NCR1: variants seen among roughly 807,000 people sequenced by gnomAD.
NCR1 encodes the protein NK cell-activating receptor.
A neutral mutation model predicts 32.5 loss-of-function variants in NCR1; 30 were observed. That is an observed-to-expected ratio of 0.92 (90% confidence interval 0.69 to 1.25). The LOEUF is 1.25. Ranked by LOEUF, NCR1 falls within the 50% of genes most tolerant of loss-of-function variation. NCR1 has a pLI of 0.00. For missense variants in NCR1, 369 were observed against 380.7 expected, an observed-to-expected ratio of 0.97 and a Z score of 0.26; for synonymous variants, 169 against 143.4, an observed-to-expected ratio of 1.18 and a Z score of -1.28.
chr19:54,912,663 G>GCGAT (rs902123849), intron 6 of NCR1, 27 bp from the exon 7 acceptor site: 1 of 1,097,018 alleles, frequency 9.1e-7, no homozygotes, highest in Non-Finnish European at 1.3e-6. Flanking sequence ...ATCCCTGTCA[G>GCGAT]CGATCACCCT....
chr19:54,903,769 T>G (rs997867176), upstream of NCR1, among the ~76,000 whole-genome samples: 1 of 151,558 alleles, frequency 6.6e-6, no homozygotes, highest in Non-Finnish European at 1.5e-5. Context: ...TTACTGTAGA[T>G]CTTAACAACT....
chr19:54,922,170 G>A, the NCR1 span, among the ~76,000 whole-genome samples: 5 of 152,096 alleles, frequency 3.3e-5, no homozygotes, highest in African/African-American at 1.2e-4. Context: ...TGGGATTACA[G>A]GTGTGAGCCA....
upstream of NCR1, among the ~76,000 whole-genome samples, chr19:54,901,458 T>C (rs2067300877): frequency 6.6e-6 from 1 of 150,732 alleles, no homozygotes; most frequent in African/African-American, 2.4e-5. Context: ...ATCTCAAACA[T>C]GGCTTAGAGT....
chr19:54,923,378 G>A, the NCR1 span: 8 of 361,666 alleles, frequency 2.2e-5, no homozygotes, highest in African/African-American at 1.1e-4. Flanking sequence ...TGGCGCCTGA[G>A]TTAGGGAAGA....
the NCR1 span, among the ~76,000 whole-genome samples, chr19:54,930,073 C>G: frequency 6.8e-6 from 1 of 148,112 alleles, no homozygotes; most frequent in African/African-American, 2.5e-5. Flanking sequence ...CGAGATCGCG[C>G]CACTGCACTC....
intron 3 of NCR1, among the ~76,000 whole-genome samples, chr19:54,908,696 T>C (rs2067776508): frequency 7.0e-6 from 1 of 142,036 alleles, no homozygotes; most frequent in Non-Finnish European, 1.5e-5. Context: ...AGTGCAGTGG[T>C]ACAATCTCAG....
chr19:54,921,850 G>A, the NCR1 span, among the ~76,000 whole-genome samples: 4 of 149,316 alleles, frequency 2.7e-5, no homozygotes, highest in Admixed American at 1.3e-4. Flanking sequence ...CCATATGCCC[G>A]TGTTTTTGTG....
At chr19:54,930,905 G>A in the NCR1 span, among the ~76,000 whole-genome samples, 1 of 151,972 alleles carries the variant, frequency 6.6e-6, no homozygotes, top group African/African-American at 2.4e-5. Flanking sequence ...CGCCTGTAGT[G>A]CCAGCTACTC....
chr19:54,925,918 T>G, the NCR1 span, among the ~76,000 whole-genome samples: 2 of 151,378 alleles, frequency 1.3e-5, no homozygotes, highest in African/African-American at 2.4e-5. Context: ...GAGAATGGCG[T>G]GAACCCGGGA....
At chr19:54,909,882 C>T in intron 4 of NCR1, 136 bp from the exon 5 acceptor site, 1 of 744,150 alleles carries the variant, frequency 1.3e-6, no homozygotes, top group South Asian at 1.8e-5. Context: ...TTGTAGTGAA[C>T]CGAGATCATA....
Position 54,909,474 on chromosome 19 carries a change from C to A in NCR1, c.585C>A (p.Asn195Lys), listed in dbSNP as rs1221864271. The A allele has an allele frequency of 6.2e-7, 1 of 1,610,854 alleles. No homozygotes were observed. The highest frequency in any genetic ancestry group is 2.2e-5 in the East Asian group (1 of 44,870). ...RGTYRCFGSY[N>K]NHAWSFPSEP... ...CATACCGATGTTTTGGCTCCTATAA[C>A]AACCATGCCTGGTCTTTCCCCAGTG... Residue 195 changes from asparagine (N) to lysine (K), a missense_variant, in exon 4 of 7, where the codon AAC becomes AAA. Transcript: ENST00000291890.
the NCR1 span, among the ~76,000 whole-genome samples, chr19:54,928,078 T>G: frequency 6.6e-6 from 1 of 152,036 alleles, no homozygotes; most frequent in African/African-American, 2.4e-5. Flanking sequence ...AAATTAGCCA[T>G]GCATGGTGGT....
chr19:54,905,209 G>A (rs4806620), upstream of NCR1, among the ~76,000 whole-genome samples: 8,536 of 152,242 alleles, frequency 0.056, 300 homozygotes, highest in Middle Eastern at 0.12. Context: ...CACCAACAGT[G>A]TATAAGTGTC....
chr19:54,928,028 G>C, the NCR1 span, among the ~76,000 whole-genome samples: 1 of 152,088 alleles, frequency 6.6e-6, no homozygotes, highest in East Asian at 1.9e-4. Context: ...AGGAGTTCGA[G>C]ACCAGCCAGG....
intron 6 of NCR1, 116 bp downstream of exon 6, chr19:54,912,334 C>A (rs754931000): frequency 6.0e-6 from 6 of 1,004,894 alleles, no homozygotes; most frequent in Non-Finnish European, 9.3e-6. Flanking sequence ...CAGTAGCTCA[C>A]ACCTGTAATC....
chr19:54,927,610 T>G, the NCR1 span: 6 of 1,613,712 alleles, frequency 3.7e-6, no homozygotes, highest in Non-Finnish European at 8.5e-7. Context: ...CATACCTGAG[T>G]ATCTTCAAGG....
chr19:54,909,494 C>T lies in NCR1; in HGVS notation c.605C>T (p.Pro202Leu), dbSNP rs1485787428. Residue 202 changes from proline to leucine, a missense_variant, in exon 4 of 7, where the codon CCC (proline) becomes CTC (leucine). Pro to Leu is a moderately conservative substitution (Grantham distance 98). Transcript: ENST00000291890. ...GSYNNHAWSF[P>L]SEPVKLLVTG... The stretch of plus-strand genomic sequence containing the variant: ...TATAACAACCATGCCTGGTCTTTCC[C>T]CAGTGAGCCAGTGAAGCTCCTGGTC... 6.2e-7 allele frequency: 1 copy of T among 1,606,958 alleles called. No homozygotes were observed. Among genetic ancestry groups the T allele is most frequent in the Non-Finnish European group, 8.5e-7 (1 of 1,179,670 alleles).
downstream of NCR1, among the ~76,000 whole-genome samples, chr19:54,920,517 C>T (rs1264786829): frequency 8.6e-5 from 13 of 152,042 alleles, no homozygotes; most frequent in South Asian, 2.5e-3. Context: ...TTTAGGAGTT[C>T]TGTGTTTATT....
intron 3 of NCR1, among the ~76,000 whole-genome samples, chr19:54,908,488 A>C (rs2067755417): frequency 6.6e-6 from 1 of 151,952 alleles, no homozygotes. Context: ...GCCCGTTCTC[A>C]ATGAGCTGTT....
Sources: gnomAD v4.1 joint callset for allele counts (sites outside exome capture counted in the v4.1 genomes callset) on GRCh38, gnomAD v4.1.1 for gene constraint, MANE v1.5 for transcripts, NCBI Gene and HGNC (gene_info 2026-07-23, HGNC 2026-07-21) for gene names.